The following RELL2 variants were observed in gnomAD, a reference collection of about 807,000 sequenced individuals.
RELL2 encodes the protein RELT-like protein 2.
A neutral mutation model predicts 27.5 loss-of-function variants in RELL2; 18 were observed. That is an observed-to-expected ratio of 0.65 (90% CI 0.45 to 0.97). The LOEUF is 0.97. Among genes scored for constraint, RELL2 ranks in the 50% least tolerant of loss-of-function variants. The pLI is 0.00. For missense variants in RELL2, 370 were observed against 397.5 expected, an observed-to-expected ratio of 0.93 and a Z score of 0.59; for synonymous variants, 156 against 147.5, an observed-to-expected ratio of 1.06 and a Z score of -0.42.
chr5:141,638,851 C>A lies in RELL2; in HGVS notation c.241C>A (p.Gln81Lys). The A allele has an allele frequency of 6.2e-7, 1 of 1,614,076 alleles. No individual in the cohort carries two copies. The highest frequency in any genetic ancestry group is 8.5e-7 in the Non-Finnish European group (1 of 1,179,924). The stretch of plus-strand genomic sequence containing the variant: ...AGAGAGGATTGTTCGCTGCATCATC[C>A]AGAATGAAGGTGGGTCTAGCATAGC... ...TVERIVRCII[Q>K]NEANAEALKE... Residue 81 changes from glutamine (Q) to lysine (K), a missense_variant, in exon 2 of 7, where the codon CAG (glutamine) becomes AAG (lysine). By Grantham distance (53) the Gln-to-Lys change is moderately conservative. Transcript: ENST00000297164.
chr5:141,639,710 G>C lies in RELL2; in HGVS notation c.503+61G>C, dbSNP rs2154598219. ...TAGGGGGCCCAGTGATCAGGCACCT[G>C]ATCCCAAAAGTGGGCCTTGGCTCTT... On this transcript the variant is annotated intron_variant, in intron 4 of 6. Coordinates refer to ENST00000297164, the MANE Select transcript of RELL2 (RefSeq NM_173828.5). This position sits in a 1 kb window ranked among gnomAD's most constrained non-coding sequence, Gnocchi z 4.4. 3 of 1,495,790 alleles carry C rather than the reference G, an allele frequency of 2.0e-6. No individual in the cohort carries two copies. The East Asian group carries it at 6.8e-5, about 34-fold the overall frequency. The allele number at this position is 1,495,790 out of a possible 1,614,324, so 92.7% of individuals were successfully genotyped here. A position where few individuals can be genotyped will look rare whatever the true frequency, so the allele number is the denominator to read the frequency against.
chr5:141,638,731 C>G (rs2099906481), intron 1 of RELL2, 64 bp from the exon 2 acceptor site: 2 of 1,356,904 alleles, frequency 1.5e-6, no homozygotes, highest in East Asian at 4.6e-5. Context: ...ATGGGAGCCA[C>G]CAGGTAATAT....
intron 5 of RELL2, 25 bp from the exon 6 acceptor site, chr5:141,640,384 CATT>C (rs2099906710): frequency 1.2e-6 from 2 of 1,614,180 alleles, no homozygotes; most frequent in Non-Finnish European, 8.5e-7. Context: ...CCTGGTCTCT[CATT>C]GTTGACCCCT....
Position 141,639,268 on chromosome 5 carries a change from G to A in RELL2, c.318-196G>A. The stretch of plus-strand genomic sequence containing the variant: ...TTTGGGTTAAGCAGTGTTCTTTTTA[G>A]CAAACAGCCCTGGGAGGAAGAACAT... On this transcript the variant is annotated intron_variant, in intron 3 of 6. Coordinates refer to ENST00000297164, the MANE Select transcript of RELL2 (RefSeq NM_173828.5). The surrounding 1 kb of genome is among the most constrained non-coding windows in gnomAD (Gnocchi z 4.4). 1 of 610,586 alleles carries A rather than the reference G, an allele frequency of 1.6e-6. No individual in the cohort carries two copies. Among genetic ancestry groups the A allele is most frequent in the South Asian group, 2.2e-5 (1 of 46,464 alleles). 37.8% of individuals were successfully genotyped at this position (610,586 alleles called of 1,614,324 possible).
rs2099906370 is a variant in RELL2 at position 141,638,239 on chromosome 5, AGCCTGACCTGGAACC to A, written c.18_32del (p.Asp7_Pro11del). ...CCCCAGGGCCTCATGTCGGAACCAC[AGCCTGACCTGGAACC>A]GCCCCAACATGGGCTATATATGCTC... On this transcript the variant is annotated inframe_deletion, in exon 1 of 7. Coordinates refer to ENST00000297164, the MANE Select transcript of RELL2 (RefSeq NM_173828.5). 1 of 1,612,722 alleles carries A rather than the reference AGCCTGACCTGGAACC, an allele frequency of 6.2e-7. No homozygotes were observed. The highest frequency in any genetic ancestry group is 8.5e-7 in the Non-Finnish European group (1 of 1,179,348).
Position 141,638,994 on chromosome 5 carries a change from A to T in RELL2, c.290A>T (p.Glu97Val). 1 of 1,614,116 alleles carries T rather than the reference A, an allele frequency of 6.2e-7. No individual in the cohort carries two copies. Among genetic ancestry groups the T allele is most frequent in the Non-Finnish European group, 8.5e-7 (1 of 1,179,992 alleles). The change falls in exon 3 of 7, where the codon GAA becomes GTA. Residue 97 changes from glutamate (E) to valine (V), a missense_variant. Coordinates refer to ENST00000297164, the MANE Select transcript of RELL2 (RefSeq NM_173828.5). ...TTGAAGGAGATGCTGGGGGACAGTG[A>T]AGGAGAAGGGACAGTGCAGCTGTCC... is the stretch of plus-strand genomic sequence containing the variant. ...EALKEMLGDSEGEGTVQLSSV... is the reference protein window; with the variant it reads ...EALKEMLGDSVGEGTVQLSSV...
rs2099906328 is a variant in RELL2, at chr5:141,638,026, C to T, written c.-200C>T. On this transcript the variant is annotated 5_prime_UTR_variant, in exon 1 of 7. Transcript: ENST00000297164. ...GGTAGAGAGCTTGCGTTGCCGCTGA[C>T]CTCTTGCCGAAAGGCGAAACAGCAC... 3.6e-6 allele frequency: 2 copies of T among 550,254 alleles called. No individual in the cohort carries two copies. Among genetic ancestry groups the T allele is most frequent in the Admixed American group, 3.4e-5 (1 of 29,362 alleles). 34.1% of individuals were successfully genotyped at this position (550,254 alleles called of 1,614,324 possible).
rs1309668742 is a variant in RELL2 at position 141,638,414 on chromosome 5, G to T, written c.184+5G>T. On this transcript the variant is annotated splice_donor_5th_base_variant and intron_variant, in intron 1 of 6. Transcript: ENST00000297164. ...ACGATGCCCAGCTTCAGCCCCGTGA[G>T]TGAGGAGCCTGGAACCCTGGCTCAG... 8 of 1,605,576 alleles carry T rather than the reference G, an allele frequency of 5.0e-6. No individual in the cohort carries two copies. The highest frequency in any genetic ancestry group is 1.3e-5 in the African/African-American group (1 of 74,736).
chr5:141,639,859 G>A lies in RELL2; in HGVS notation c.504-61G>A, dbSNP rs1329444222. On this transcript the variant is annotated intron_variant, in intron 4 of 6. Transcript: ENST00000297164. This position sits in a 1 kb window ranked among gnomAD's most constrained non-coding sequence, Gnocchi z 4.4. Reference sequence around the variant, plus strand: ...CAAACTCAGGATGTCCCTGGTCAGAGGGGAGGGCCAAGCAGCCTCTGAGTT... The same window carrying A: ...CAAACTCAGGATGTCCCTGGTCAGAAGGGAGGGCCAAGCAGCCTCTGAGTT... 1.3e-6 allele frequency: 2 copies of A among 1,568,242 alleles called. No homozygotes were observed. The highest frequency in any genetic ancestry group is 1.8e-6 in the Non-Finnish European group (2 of 1,141,128).
chr5:141,640,935 G>A lies in RELL2; in HGVS notation c.*266G>A, dbSNP rs1265840482. ...GATAGAGCGTGGCAGCTGGGAGCAGGCCCCTGCCCGTGGTGGGCCCCTAAA... is the reference window on the plus strand; with the variant it reads ...GATAGAGCGTGGCAGCTGGGAGCAGACCCCTGCCCGTGGTGGGCCCCTAAA... On this transcript the variant is annotated 3_prime_UTR_variant, in exon 7 of 7. Transcript: ENST00000297164. 1 of 518,412 alleles carries A rather than the reference G, an allele frequency of 1.9e-6. No individual in the cohort carries two copies. Among genetic ancestry groups the A allele is most frequent in the African/African-American group, 1.9e-5 (1 of 52,312 alleles). 32.1% of individuals were successfully genotyped at this position (518,412 alleles called of 1,614,324 possible).
In RELL2 at chr5:141,639,217, C is replaced by T. The variant is rs1359635238; in HGVS notation, c.317+196C>T. The T allele has an allele frequency of 4.8e-6, 3 of 619,186 alleles. No homozygotes were observed. Among genetic ancestry groups the T allele is most frequent in the Non-Finnish European group, 8.5e-6 (3 of 354,784 alleles). 38.4% of individuals were successfully genotyped at this position (619,186 alleles called of 1,614,324 possible). A position where few individuals can be genotyped will look rare whatever the true frequency, so the allele number is the denominator to read the frequency against. ...CTCTCTCATCTAGATATCATCAAGC[C>T]TAACATTCACCTCTAGTGCCACTCC... On this transcript the variant is annotated intron_variant, in intron 3 of 6. Transcript: ENST00000297164. The surrounding 1 kb of genome is among the most constrained non-coding windows in gnomAD (Gnocchi z 4.4).
At position 141,639,224 on chromosome 5, in the gene RELL2, T is replaced by C; in HGVS notation, c.317+203T>C. On this transcript the variant is annotated intron_variant, in intron 3 of 6. Transcript: ENST00000297164. This position sits in a 1 kb window ranked among gnomAD's most constrained non-coding sequence, Gnocchi z 4.4. ...ATCTAGATATCATCAAGCCTAACAT[T>C]CACCTCTAGTGCCACTCCTTTGGGT... 1 of 614,844 alleles carries C rather than the reference T, an allele frequency of 1.6e-6. No individual in the cohort carries two copies. The highest frequency in any genetic ancestry group is 2.0e-5 in the South Asian group (1 of 49,684). 38.1% of individuals were successfully genotyped at this position (614,844 alleles called of 1,614,324 possible).
chr5:141,638,531 G>A, intron 1 of RELL2, 122 bp downstream of exon 1: 1 of 958,138 alleles, frequency 1.0e-6, no homozygotes, highest in Non-Finnish European at 1.5e-6. Flanking sequence ...GCCTAGTGAT[G>A]CACTCTTGAG....
rs760874296 is a variant in RELL2, at chr5:141,640,303, AAC to A, written c.879+12_879+13del. ...GACACTTCTGATCACCAGGTAGGAA[AAC>A]ACAGCCGGGACTGCACTGGGCTGGG... is the stretch of plus-strand genomic sequence containing the variant. On this transcript the variant is annotated intron_variant, in intron 5 of 6. Coordinates refer to ENST00000297164, the MANE Select transcript of RELL2 (RefSeq NM_173828.5). 1.7e-5 allele frequency: 28 copies of A among 1,613,654 alleles called. No individual in the cohort carries two copies. In the Middle Eastern group the frequency reaches 8.2e-4, roughly 47 times the overall value.
Position 141,640,312 on chromosome 5 carries a change from G to A in RELL2, c.879+17G>A, listed in dbSNP as rs764330298. On this transcript the variant is annotated intron_variant, in intron 5 of 6. Coordinates refer to ENST00000297164, the MANE Select transcript of RELL2 (RefSeq NM_173828.5). ...GATCACCAGGTAGGAAAACACAGCC[G>A]GGACTGCACTGGGCTGGGCTCTTAT... 36 of 1,613,624 alleles carry A rather than the reference G, an allele frequency of 2.2e-5. No homozygotes were observed. The East Asian group carries it at 5.8e-4, about 26-fold the overall frequency.
rs1231607087 is a variant in RELL2 at position 141,638,009 on chromosome 5, G to C, written c.-217G>C. 1.9e-6 allele frequency: 1 copy of C among 527,650 alleles called. No individual in the cohort carries two copies. Among genetic ancestry groups the C allele is most frequent in the Non-Finnish European group, 3.4e-6 (1 of 296,296 alleles). 32.7% of individuals were successfully genotyped at this position (527,650 alleles called of 1,614,324 possible). A position where few individuals can be genotyped will look rare whatever the true frequency, so the allele number is the denominator to read the frequency against. On this transcript the variant is annotated 5_prime_UTR_variant, in exon 1 of 7. Transcript: ENST00000297164. ...AGCGGGACCAGGGTCGTGGTAGAGA[G>C]CTTGCGTTGCCGCTGACCTCTTGCC...
At position 141,640,109 on chromosome 5, in the gene RELL2, C is replaced by T. The variant is rs2099906666; in HGVS notation, c.693C>T (p.Val231=). Residue 231 remains valine (V), a synonymous_variant, in exon 5 of 7, where the codon GTC becomes GTT. Transcript: ENST00000297164. The part of the protein sequence containing the change: ...RLPPERPQPQ[V]LASPPVQNGG... ...CCCCTGAGAGGCCACAGCCCCAGGT[C>T]CTAGCCAGCCCCCCAGTACAGAATG... 1 of 1,613,762 alleles carries T rather than the reference C, an allele frequency of 6.2e-7. No homozygotes were observed. Among genetic ancestry groups the T allele is most frequent in the Admixed American group, 1.7e-5 (1 of 59,998 alleles).
Position 141,640,187 on chromosome 5 carries a change from A to G in RELL2, c.771A>G (p.Arg257=), listed in dbSNP as rs764086935. Residue 257 remains arginine, a synonymous_variant, in exon 5 of 7, where the codon AGA becomes AGG. Transcript: ENST00000297164. ...LTPRALEGNP[R]ASAEPTLRAG... ...CTCGTGCACTTGAAGGGAACCCCAG[A>G]GCTTCTGCAGAGCCAACACTGAGGG... The G allele has an allele frequency of 4.3e-6, 7 of 1,614,018 alleles. No individual in the cohort carries two copies. Among genetic ancestry groups the G allele is most frequent in the Non-Finnish European group, 4.2e-6 (5 of 1,179,998 alleles).
chr5:141,637,870 G>A lies in RELL2; in HGVS notation c.-356G>A, dbSNP rs2099906295. The A allele has an allele frequency of 9.5e-6, 2 of 210,592 alleles. No individual in the cohort carries two copies. Among genetic ancestry groups the A allele is most frequent in the Admixed American group, 1.1e-4 (2 of 19,040 alleles). The allele number at this position is 210,592 out of a possible 1,614,324, so 13.0% of individuals were successfully genotyped here. On this transcript the variant is annotated 5_prime_UTR_variant, in exon 1 of 7. Coordinates refer to ENST00000297164, the MANE Select transcript of RELL2 (RefSeq NM_173828.5). Reference sequence around the variant, plus strand: ...GGAGGAGGTGCGGGCGCTGACTCAGGCAGGATTTCTGCTCCCGCCGCCTAA... The same window carrying A: ...GGAGGAGGTGCGGGCGCTGACTCAGACAGGATTTCTGCTCCCGCCGCCTAA...
Sources: gnomAD v4.1 joint callset for allele counts on GRCh38, gnomAD v4.1.1 for gene constraint, Gnocchi (gnomAD v3.1) non-coding constraint, MANE v1.5 for transcripts, NCBI Gene and HGNC (gene_info 2026-07-23, HGNC 2026-07-21) for gene names.